Variants in SLC4A8 observed in about 807,000 individuals in gnomAD.
The protein encoded by SLC4A8 is electroneutral sodium bicarbonate exchanger 1.
A neutral mutation model predicts 125.0 loss-of-function variants in SLC4A8; 40 were observed. The observed-to-expected ratio is 0.32, with a 90% CI of 0.25 to 0.42. The LOEUF (loss-of-function observed/expected upper bound fraction) is 0.42. Among genes scored for constraint, SLC4A8 ranks in the 10% least tolerant of loss-of-function variants. The pLI, the probability that SLC4A8 is intolerant of heterozygous loss-of-function variation, is 1.00. For missense variants in SLC4A8, 863 were observed against 1,355.1 expected, an observed-to-expected ratio of 0.64 and a Z score of 5.70; for synonymous variants, 456 against 476.0, an observed-to-expected ratio of 0.96 and a Z score of 0.55.
Position 51,460,126 on chromosome 12 carries a change from A to G in SLC4A8, c.1013+18A>G, listed in dbSNP as rs1565792498. 6.2e-7 allele frequency: 1 copy of G among 1,605,392 alleles called. No individual in the cohort carries two copies. The highest frequency in any genetic ancestry group is 8.5e-7 in the Non-Finnish European group (1 of 1,172,144). On this transcript the variant is annotated intron_variant, in intron 8 of 24. Coordinates refer to ENST00000453097, the MANE Select transcript of SLC4A8 (RefSeq NM_001039960.3). The stretch of plus-strand genomic sequence containing the variant: ...CCAACAAGGTAAAGGCAAAGATAAA[A>G]CTCATGCATTCTATCCAAAATTCAA...
intron 24 of SLC4A8, among the ~76,000 whole-genome samples, chr12:51,507,077 T>C (rs1311882517): frequency 1.3e-5 from 2 of 152,140 alleles, no homozygotes; most frequent in Non-Finnish European, 2.9e-5. Context: ...GAGATAATAA[T>C]AACTAACTGC....
intron 1 of SLC4A8, among the ~76,000 whole-genome samples, chr12:51,410,726 T>G (rs1948576611): frequency 6.6e-6 from 1 of 152,020 alleles, no homozygotes. Flanking sequence ...TCCCAAAGTG[T>G]TGGGATTACA....
rs1341969294 is a variant in SLC4A8 at position 51,471,325 on chromosome 12, T to C, written c.1697T>C (p.Ile566Thr). Residue 566 changes from isoleucine to threonine, a missense_variant, in exon 14 of 25, where the codon ATT becomes ACT. Ile to Thr is a moderately conservative substitution (Grantham distance 89). This residue lies in a region of SLC4A8 where 390 missense variants were observed against 634.4 expected (regional missense o/e 0.61). Coordinates refer to ENST00000453097, the MANE Select transcript of SLC4A8 (RefSeq NM_001039960.3). ...ALSYLSLRAC[I>T]GLWTAFLCIV... is the part of the protein sequence containing the mutation. The stretch of plus-strand genomic sequence containing the variant: ...TCATACCTCTCCCTGCGAGCTTGTA[T>C]TGGACTGTGGACCGCTTTCCTGTGT... The C allele has an allele frequency of 3.1e-6, 5 of 1,613,894 alleles. No homozygotes were observed. Among genetic ancestry groups the C allele is most frequent in the Admixed American group, 3.3e-5 (2 of 60,024 alleles).
intron 1 of SLC4A8, among the ~76,000 whole-genome samples, chr12:51,397,039 C>T (rs904795024): frequency 4.1e-5 from 6 of 147,134 alleles, no homozygotes; most frequent in Non-Finnish European, 8.9e-5. Flanking sequence ...AAGCGATTCT[C>T]GTGCCTCAGC....
At chr12:51,392,571 CAAAAA>C (rs35992841) in intron 1 of SLC4A8, among the ~76,000 whole-genome samples, 1 of 119,226 alleles carries the variant, frequency 8.4e-6, no homozygotes, top group African/African-American at 3.3e-5. Context: ...GATTCCGTAT[CAAAAA>C]AAAAAAAAAA....
At chr12:51,484,576 C>T (rs918666012) in intron 16 of SLC4A8, among the ~76,000 whole-genome samples, 2 of 152,256 alleles carry the variant, frequency 1.3e-5, no homozygotes, top group East Asian at 3.9e-4. Flanking sequence ...GGAGGAGGAA[C>T]TGGAAACCTT....
intron 1 of SLC4A8, among the ~76,000 whole-genome samples, chr12:51,414,488 C>T (rs761846853): frequency 2.6e-5 from 4 of 152,144 alleles, no homozygotes; most frequent in Non-Finnish European, 4.4e-5. Context: ...TAGTGGCTTA[C>T]ACATGTAATC....
chr12:51,459,829 A>G, intron 7 of SLC4A8, 122 bp from the exon 8 acceptor site: 1 of 781,436 alleles, frequency 1.3e-6, no homozygotes, highest in Non-Finnish European at 2.1e-6. Context: ...AGATTGCGCC[A>G]CTGCACTCCA....
chr12:51,446,718 G>A (rs1208273128), intron 2 of SLC4A8, among the ~76,000 whole-genome samples: 2 of 152,148 alleles, frequency 1.3e-5, no homozygotes, highest in African/African-American at 4.8e-5. Flanking sequence ...TGTTCTTTTT[G>A]TGGCCCCTTT....
intron 1 of SLC4A8, among the ~76,000 whole-genome samples, chr12:51,433,867 T>TTGTTTG (rs1949291857): frequency 7.3e-6 from 1 of 136,434 alleles, no homozygotes; most frequent in African/African-American, 2.9e-5. Context: ...TTTTTTTTTT[T>TTGTTTG]TTTTTTTTTT....
chr12:51,446,747 C>T (rs1949783282), intron 2 of SLC4A8, among the ~76,000 whole-genome samples: 1 of 152,088 alleles, frequency 6.6e-6, no homozygotes, highest in Non-Finnish European at 1.5e-5. Context: ...AGTCAGAGGC[C>T]CTCTTAGGTG....
chr12:51,398,351 A>C (rs1948305399), intron 1 of SLC4A8, among the ~76,000 whole-genome samples: 1 of 152,326 alleles, frequency 6.6e-6, no homozygotes, highest in East Asian at 1.9e-4. Flanking sequence ...ACAATTAATA[A>C]GTGTTCCTCT....
intron 1 of SLC4A8, among the ~76,000 whole-genome samples, chr12:51,393,847 C>G (rs1431167364): frequency 6.6e-6 from 1 of 152,234 alleles, no homozygotes; most frequent in African/African-American, 2.4e-5. Flanking sequence ...CTTAGCCCAT[C>G]TGTAGACCCT....
At chr12:51,454,643 T>A (rs34271779) in intron 5 of SLC4A8, among the ~76,000 whole-genome samples, 9,323 of 48,298 alleles carry the variant, frequency 0.19, 701 homozygotes, top group Middle Eastern at 0.27. Flanking sequence ...ACAAAGCAGT[T>A]TTGCTGCCCG....
intron 1 of SLC4A8, among the ~76,000 whole-genome samples, chr12:51,409,899 G>C (rs1406665718): frequency 2.0e-5 from 3 of 152,216 alleles, no homozygotes; most frequent in East Asian, 3.8e-4. Context: ...TGAGTAAAGG[G>C]ATTTAAGAGG....
Position 51,513,977 on chromosome 12 carries a change from T to C in SLC4A8, c.*6539T>C, listed in dbSNP as rs955368760. The C allele has an allele frequency of 3.3e-5, 5 of 152,236 alleles. No homozygotes were observed. The highest frequency in any genetic ancestry group is 1.2e-4 in the African/African-American group (5 of 41,458). 9.4% of individuals were successfully genotyped at this position (152,236 alleles called of 1,614,324 possible). A position where few individuals can be genotyped will look rare whatever the true frequency, so the allele number is the denominator to read the frequency against. On this transcript the variant is annotated 3_prime_UTR_variant, in exon 25 of 25. Coordinates refer to ENST00000453097, the MANE Select transcript of SLC4A8 (RefSeq NM_001039960.3). ...TCCCTCTTAGTAAAGGAATTCATAATTCTCCCTGCATCTTCTCTGTTTATT... is the reference window on the plus strand; with the variant it reads ...TCCCTCTTAGTAAAGGAATTCATAACTCTCCCTGCATCTTCTCTGTTTATT...
chr12:51,432,685 T>C (rs1565771080), intron 1 of SLC4A8, among the ~76,000 whole-genome samples: 1 of 152,110 alleles, frequency 6.6e-6, no homozygotes, highest in Non-Finnish European at 1.5e-5. Flanking sequence ...ATGGCGCCTC[T>C]GCACTCCAGC....
chr12:51,478,064 A>G (rs963007265), intron 16 of SLC4A8, among the ~76,000 whole-genome samples: 1 of 152,166 alleles, frequency 6.6e-6, no homozygotes, highest in Non-Finnish European at 1.5e-5. Context: ...TCACGAGGTC[A>G]GGAGATCGAG....
intron 22 of SLC4A8, among the ~76,000 whole-genome samples, chr12:51,500,388 A>G (rs113613808): frequency 6.6e-6 from 1 of 152,048 alleles, no homozygotes; most frequent in African/African-American, 2.4e-5. Flanking sequence ...GTTGTTTTCA[A>G]TTTTTTAACA....
Sources: gnomAD v4.1 joint callset for allele counts (sites outside exome capture counted in the v4.1 genomes callset) on GRCh38, gnomAD v4.1.1 for gene constraint, gnomAD v4.1.1 regional missense constraint, MANE v1.5 for transcripts, NCBI Gene and HGNC (gene_info 2026-07-23, HGNC 2026-07-21) for gene names.